KCNG2: variants seen among roughly 807,000 people sequenced by gnomAD.
KCNG2 encodes the protein potassium voltage-gated channel modifier subfamily G member 2.
A neutral mutation model predicts 12.3 loss-of-function variants in KCNG2; 7 were observed. That is an observed-to-expected ratio of 0.57 (90% CI 0.32 to 1.07). The LOEUF is 1.07. KCNG2 is among the 50% of genes least tolerant of loss of function. The pLI, the probability that KCNG2 is intolerant of heterozygous loss-of-function variation, is 0.04. For missense variants in KCNG2, 703 were observed against 726.0 expected, an observed-to-expected ratio of 0.97 and a Z score of 0.36; for synonymous variants, 414 against 351.4, an observed-to-expected ratio of 1.18 and a Z score of -1.99.
chr18:79,807,216 G>T (rs947686731), intron 1 of KCNG2, among the ~76,000 whole-genome samples: 1 of 152,180 alleles, frequency 6.6e-6, no homozygotes, highest in African/African-American at 2.4e-5. Context: ...GTGGCTCAGG[G>T]ATACTGGGAG....
rs75339189 is a variant in KCNG2, at chr18:79,899,553, C to T, written c.1138C>T (p.Leu380=). Reference sequence around the variant, plus strand: ...CTACGGCGACATGGTCCCGCGCAGCCTGCCCGGGCAGGTGGTGGCGCTCAG... The same window carrying T: ...CTACGGCGACATGGTCCCGCGCAGCTTGCCCGGGCAGGTGGTGGCGCTCAG... ...VGYGDMVPRS[L]PGQVVALSSI... Residue 380 remains leucine (L), a synonymous_variant, in exon 4 of 4, where the codon CTG becomes TTG. Transcript: ENST00000316249. 152,538 of 1,602,386 alleles carry T rather than the reference C, an allele frequency of 0.095. 8,180 individuals carry two copies. The highest frequency in any genetic ancestry group is 0.11 in the Non-Finnish European group (129,942 of 1,174,998).
chr18:79,876,986 G>A (rs929832485), intron 3 of KCNG2, among the ~76,000 whole-genome samples: 1 of 152,230 alleles, frequency 6.6e-6, no homozygotes, highest in Non-Finnish European at 1.5e-5. Context: ...AACGCAGGGT[G>A]CGCAGGAAAT....
chr18:79,846,782 A>G (rs67139807), intron 1 of KCNG2, among the ~76,000 whole-genome samples: 14,096 of 152,188 alleles, frequency 0.093, 902 homozygotes, highest in African/African-American at 0.17. Context: ...CATCTTGTTT[A>G]GATGGTTTTT....
intron 1 of KCNG2, among the ~76,000 whole-genome samples, chr18:79,812,932 C>T (rs541520189): frequency 3.9e-5 from 6 of 152,136 alleles, no homozygotes; most frequent in Admixed American, 1.3e-4. Flanking sequence ...CCAAGGAGGG[C>T]GGATCACGAG....
At chr18:79,853,651 G>A (rs1428321591) in intron 1 of KCNG2, among the ~76,000 whole-genome samples, 2 of 151,774 alleles carry the variant, frequency 1.3e-5, no homozygotes, top group African/African-American at 2.4e-5. Context: ...AGCAGAGGCT[G>A]CAGCGAGTCA....
At chr18:79,850,632 G>A (rs573094430) in intron 1 of KCNG2, among the ~76,000 whole-genome samples, 1 of 152,230 alleles carries the variant, frequency 6.6e-6, no homozygotes, top group South Asian at 2.1e-4. Flanking sequence ...CCTCGATTCT[G>A]TTATTGTTTC....
rs1193845093 is a variant in KCNG2, at chr18:79,884,767, G to C, written c.625-14273G>C. On this transcript the variant is annotated intron_variant, in intron 3 of 3. Transcript: ENST00000316249. The surrounding 1 kb of genome is among the most constrained non-coding windows in gnomAD (Gnocchi z 5.5). ...CGCCCGGCTCTGTGTTCCTCGGGGGGGCTCATCCTGGGGCCCAGGAACTCG... is the reference window on the plus strand; with the variant it reads ...CGCCCGGCTCTGTGTTCCTCGGGGGCGCTCATCCTGGGGCCCAGGAACTCG... 6.6e-6 allele frequency among the ~76,000 whole-genome samples: 1 copy of C among 152,300 alleles called. No homozygotes were observed. The highest frequency in any genetic ancestry group is 2.4e-5 in the African/African-American group (1 of 41,572).
Position 79,803,690 on chromosome 18 carries a change from C to A in KCNG2, c.-115+5676C>A, listed in dbSNP as rs1254006809. ...AGGAGGCGTTTTCTCCCATCCCGCC[C>A]CAGCAGGGAGCCTGCCCTCCTGTCC... On this transcript the variant is annotated intron_variant, in intron 1 of 3. Transcript: ENST00000316249. The surrounding 1 kb of genome is among the most constrained non-coding windows in gnomAD (Gnocchi z 4.5). 2.0e-5 allele frequency among the ~76,000 whole-genome samples: 3 copies of A among 152,196 alleles called. No homozygotes were observed. The highest frequency in any genetic ancestry group is 4.4e-5 in the Non-Finnish European group (3 of 68,034).
At chr18:79,898,487 C>G (rs1418310146) in intron 3 of KCNG2, among the ~76,000 whole-genome samples, 3 of 152,216 alleles carry the variant, frequency 2.0e-5, no homozygotes, top group African/African-American at 7.2e-5. Flanking sequence ...AAGGACGTAG[C>G]CCCAGGAGCT....
intron 2 of KCNG2, among the ~76,000 whole-genome samples, chr18:79,861,467 C>T (rs1280404134): frequency 6.6e-6 from 1 of 151,928 alleles, no homozygotes; most frequent in African/African-American, 2.4e-5. Context: ...TTAGTAGAGA[C>T]AGGTTTTTGC....
intron 3 of KCNG2, among the ~76,000 whole-genome samples, chr18:79,891,238 AT>A (rs1035118866): frequency 2.7e-5 from 4 of 148,730 alleles, no homozygotes; most frequent in East Asian, 2.0e-4. Flanking sequence ...TTTATTTTTT[AT>A]TTTTTTTTCA....
chr18:79,826,352 C>G (rs571798258), intron 1 of KCNG2, among the ~76,000 whole-genome samples: 57 of 152,374 alleles, frequency 3.7e-4, no homozygotes, highest in African/African-American at 1.3e-3. Flanking sequence ...GCTTCAGGTA[C>G]GGCGCCCGTT....
At chr18:79,873,532 G>A (rs1005966869) in intron 3 of KCNG2, among the ~76,000 whole-genome samples, 7 of 152,044 alleles carry the variant, frequency 4.6e-5, no homozygotes, top group Admixed American at 2.0e-4. Flanking sequence ...AGCTGTGAGG[G>A]GCGTCGGGGA....
Position 79,899,228 on chromosome 18 carries a change from G to A in KCNG2, c.813G>A (p.Ala271=), listed in dbSNP as rs763180199. Residue 271 remains alanine, a synonymous_variant, in exon 4 of 4, where the codon GCG becomes GCA. Transcript: ENST00000316249. The part of the protein sequence containing the change: ...PFYVSLLLGL[A]AGPGGTKLLE... ...ACGTGTCGCTGCTGCTGGGGCTGGC[G>A]GCAGGCCCGGGCGGGACCAAGCTCC... is the stretch of plus-strand genomic sequence containing the variant. 62 of 1,599,292 alleles carry A rather than the reference G, an allele frequency of 3.9e-5. No individual in the cohort carries two copies. Among genetic ancestry groups the A allele is most frequent in the Non-Finnish European group, 4.2e-5 (50 of 1,178,624 alleles).
chr18:79,865,779 GAA>G (rs573610018), intron 3 of KCNG2, among the ~76,000 whole-genome samples: 18 of 124,614 alleles, frequency 1.4e-4, no homozygotes, highest in East Asian at 4.5e-4. Context: ...TGTGTGCTGA[GAA>G]GTCTGGGTGC....
intron 3 of KCNG2, among the ~76,000 whole-genome samples, chr18:79,866,989 T>TGA: frequency 1.8e-5 from 1 of 54,820 alleles, no homozygotes; most frequent in East Asian, 6.3e-4. Flanking sequence ...GCCTGGGTGC[T>TGA]GAGAGGTCTG....
At chr18:79,857,831 G>A (rs1979073316) in intron 2 of KCNG2, among the ~76,000 whole-genome samples, 1 of 151,830 alleles carries the variant, frequency 6.6e-6, no homozygotes, top group Admixed American at 6.6e-5. Context: ...GGTTTTTAGT[G>A]TATTAACAAT....
At chr18:79,897,352 T>G (rs775105609) in intron 3 of KCNG2, among the ~76,000 whole-genome samples, 1 of 152,256 alleles carries the variant, frequency 6.6e-6, no homozygotes, top group Non-Finnish European at 1.5e-5. Context: ...ACTTTTAAGC[T>G]TTTCTAGTGA....
intron 1 of KCNG2, among the ~76,000 whole-genome samples, chr18:79,827,765 C>G (rs955009693): frequency 6.6e-6 from 1 of 152,188 alleles, no homozygotes; most frequent in African/African-American, 2.4e-5. Flanking sequence ...ACCCAAGTCT[C>G]TCCATGTGGC....
Sources: allele counts gnomAD v4.1 joint callset (sites outside exome capture counted in the v4.1 genomes callset), GRCh38; gene constraint gnomAD v4.1.1; non-coding constraint Gnocchi (gnomAD v3.1); transcripts MANE v1.5; gene names NCBI Gene and HGNC (gene_info 2026-07-23, HGNC 2026-07-21).